DRC9: variants seen among roughly 807,000 people sequenced by gnomAD.
DRC9 encodes the protein dynein regulatory complex subunit 9, also known as dynein regulatory complex protein 9.
At chr3:197,898,624 T>C in the DRC9 span, among the ~76,000 whole-genome samples, 1 of 152,200 alleles carries the variant, frequency 6.6e-6, no homozygotes, top group South Asian at 2.1e-4. Flanking sequence ...TCAGCATGCC[T>C]GGAGAGGCCT....
At chr3:197,889,723 G>C in the DRC9 span, 1 of 1,614,102 alleles carries the variant, frequency 6.2e-7, no homozygotes, top group Non-Finnish European at 8.5e-7. Flanking sequence ...AGCTGGAAGA[G>C]AAAAGGGGAG....
At chr3:197,949,703 AGAAG>A in the DRC9 span, 9 of 199,462 alleles carry the variant, frequency 4.5e-5, no homozygotes. Flanking sequence ...AAGAAAAAAG[AGAAG>A]GAAGAGGTCC....
chr3:197,895,349 A>G, the DRC9 span, among the ~76,000 whole-genome samples: 1 of 152,190 alleles, frequency 6.6e-6, no homozygotes, highest in African/African-American at 2.4e-5. Flanking sequence ...AGTTCACTGC[A>G]GCCTCCACCT....
At chr3:197,904,273 C>T in the DRC9 span, among the ~76,000 whole-genome samples, 2 of 151,592 alleles carry the variant, frequency 1.3e-5, no homozygotes, top group Non-Finnish European at 2.9e-5. Flanking sequence ...TGGTGTGTAT[C>T]TAAAAGACAG....
chr3:197,912,803 A>G, the DRC9 span: 1 of 1,436,136 alleles, frequency 7.0e-7, no homozygotes, highest in Non-Finnish European at 9.8e-7. Flanking sequence ...GGGAATCAGA[A>G]GTTCTCAAGA....
the DRC9 span, among the ~76,000 whole-genome samples, chr3:197,907,010 C>T: frequency 6.6e-6 from 1 of 152,160 alleles, no homozygotes; most frequent in African/African-American, 2.4e-5. Context: ...ACATCTCTGC[C>T]GCCCTTCGTG....
the DRC9 span, among the ~76,000 whole-genome samples, chr3:197,921,557 C>T: frequency 1.3e-5 from 2 of 151,884 alleles, no homozygotes; most frequent in East Asian, 1.9e-4. Context: ...AACTTGGTTT[C>T]GTCTTGGTCG....
chr3:197,947,091 G>A, the DRC9 span, among the ~76,000 whole-genome samples: 9 of 152,212 alleles, frequency 5.9e-5, no homozygotes, highest in Admixed American at 1.3e-4. Context: ...GATTACAGGC[G>A]TGAGCCAAGG....
the DRC9 span, chr3:197,912,877 T>C: frequency 1.3e-6 from 1 of 747,146 alleles, no homozygotes; most frequent in South Asian, 1.5e-5. Flanking sequence ...GGGCTTTCAG[T>C]TCCCTGCAAC....
the DRC9 span, chr3:197,932,254 A>G: frequency 6.2e-7 from 1 of 1,612,958 alleles, no homozygotes; most frequent in Admixed American, 1.7e-5. Flanking sequence ...AAGTGGCCGA[A>G]TCTTGCAACT....
the DRC9 span, among the ~76,000 whole-genome samples, chr3:197,890,418 A>G: frequency 1.5e-4 from 22 of 151,390 alleles, no homozygotes; most frequent in Non-Finnish European, 2.8e-4. Context: ...AAAAAAAAAA[A>G]GAAAAGCACA....
chr3:197,942,385 CAAAAAAAAAAAAAAA>C, the DRC9 span, among the ~76,000 whole-genome samples: 3 of 17,066 alleles, frequency 1.8e-4, no homozygotes, highest in East Asian at 6.5e-3. Context: ...CTCCGTCTCA[CAAAAAAAAAAAAAAA>C]AAAAAAAAAA....
At chr3:197,952,488 CTTTTCTTTT>C in the DRC9 span, 1 of 151,754 alleles carries the variant, frequency 6.6e-6, no homozygotes, top group Non-Finnish European at 1.5e-5. Flanking sequence ...TCTTTTCTTT[CTTTTCTTTT>C]TTTCTTTCTT....
At chr3:197,912,382 C>A in the DRC9 span, 1 of 256,116 alleles carries the variant, frequency 3.9e-6, no homozygotes, top group South Asian at 6.6e-5. Flanking sequence ...AATTTTAAGT[C>A]ATAAATTAAG....
the DRC9 span, among the ~76,000 whole-genome samples, chr3:197,914,429 A>G: frequency 3.3e-5 from 5 of 152,320 alleles, no homozygotes; most frequent in African/African-American, 1.2e-4. Context: ...CTTTCTATAA[A>G]ACAAACACAC....
At chr3:197,904,087 CAT>C in the DRC9 span, among the ~76,000 whole-genome samples, 4,452 of 41,942 alleles carry the variant, frequency 0.11, 165 homozygotes, top group African/African-American at 0.18. Flanking sequence ...TATATACATA[CAT>C]ATATATATAT....
At chr3:197,931,872 G>A in the DRC9 span, among the ~76,000 whole-genome samples, 23 of 152,136 alleles carry the variant, frequency 1.5e-4, no homozygotes, top group African/African-American at 3.4e-4. Context: ...TGATCCGCCC[G>A]CCTCAGCCTC....
chr3:197,954,188 G>C, the DRC9 span: 5 of 1,609,924 alleles, frequency 3.1e-6, no homozygotes, highest in Admixed American at 8.3e-5. Context: ...TGATGAATCA[G>C]ACTAGGTTCA....
At chr3:197,953,079 G>A in the DRC9 span, among the ~76,000 whole-genome samples, 7 of 152,236 alleles carry the variant, frequency 4.6e-5, no homozygotes, top group Admixed American at 1.3e-4. Context: ...GATTACAGGC[G>A]TGAGCCATCG....
Sources: allele counts gnomAD v4.1 joint callset (sites outside exome capture counted in the v4.1 genomes callset), GRCh38; gene constraint gnomAD v4.1.1; transcripts MANE v1.5; gene names NCBI Gene and HGNC (gene_info 2026-07-23, HGNC 2026-07-21).